The following CALN1 variants were observed in gnomAD, a reference collection of about 807,000 sequenced individuals.
CALN1 encodes the protein calneuron 1, also known as calcium-binding protein 8.
A neutral mutation model predicts 30.6 loss-of-function variants in CALN1; 17 were observed. The observed-to-expected ratio is 0.56, with a 90% CI of 0.38 to 0.83. CALN1 has a LOEUF of 0.83. Ranked by LOEUF, CALN1 falls within the 40% of genes least tolerant of loss-of-function variation. The pLI, the probability that CALN1 is intolerant of heterozygous loss-of-function variation, is 0.00. For missense variants in CALN1, 291 were observed against 354.9 expected, an observed-to-expected ratio of 0.82 and a Z score of 1.45; for synonymous variants, 156 against 131.4, an observed-to-expected ratio of 1.19 and a Z score of -1.28.
intron 5 of CALN1, among the ~76,000 whole-genome samples, chr7:71,827,894 T>C (rs1339668510): frequency 6.6e-6 from 1 of 151,854 alleles, no homozygotes; most frequent in African/African-American, 2.4e-5. Flanking sequence ...ATGTGGATAT[T>C]TGGGGGACGG....
intron 5 of CALN1, among the ~76,000 whole-genome samples, chr7:71,957,972 G>A (rs1797044561): frequency 6.7e-6 from 1 of 150,296 alleles, no homozygotes; most frequent in Admixed American, 6.7e-5. Flanking sequence ...GGCTGAGGCA[G>A]GAGAATCTCT....
At chr7:72,369,225 G>A (rs1804064382) in intron 2 of CALN1, among the ~76,000 whole-genome samples, 1 of 151,010 alleles carries the variant, frequency 6.6e-6, no homozygotes, top group Non-Finnish European at 1.5e-5. Context: ...ATACACCTGT[G>A]AAACCATCGC....
chr7:72,445,526 A>G (rs1390237392), intron 1 of CALN1, among the ~76,000 whole-genome samples: 1 of 152,176 alleles, frequency 6.6e-6, no homozygotes, highest in Admixed American at 6.5e-5. Context: ...TTCTGTTTGC[A>G]GGAAACATCT....
chr7:71,970,313 C>T (rs1797732317), intron 5 of CALN1, among the ~76,000 whole-genome samples: 2 of 152,268 alleles, frequency 1.3e-5, no homozygotes, highest in South Asian at 4.1e-4. Context: ...CTTCCAATCC[C>T]AAGACTTAAC....
intron 2 of CALN1, among the ~76,000 whole-genome samples, chr7:72,344,841 T>C (rs1191606200): frequency 1.4e-5 from 2 of 147,538 alleles, no homozygotes; most frequent in African/African-American, 2.5e-5. Flanking sequence ...TTAAAAAATA[T>C]AAGTATATAT....
Position 71,968,523 on chromosome 7 carries a change from C to T in CALN1, c.501+55134G>A, listed in dbSNP as rs189754604. Among the ~76,000 whole-genome samples the T allele has an allele frequency of 4.5e-3, 681 of 152,014 alleles. 9 individuals carry two copies. Among genetic ancestry groups the T allele is most frequent in the African/African-American group, 0.016 (648 of 41,492 alleles). ...TTGGCTAACTGCACCCTCCGCCTGC[C>T]GGGTTCCAGCAATTCTCGTGCCTCA... is the stretch of plus-strand genomic sequence containing the variant. On this transcript the variant is annotated intron_variant, in intron 5 of 6. Coordinates refer to ENST00000395275, the MANE Select transcript of CALN1 (RefSeq NM_031468.4).
At chr7:72,266,331 CAA>C (rs937616279) in intron 3 of CALN1, among the ~76,000 whole-genome samples, 6 of 152,086 alleles carry the variant, frequency 3.9e-5, no homozygotes, top group African/African-American at 1.4e-4. Context: ...TGAAATAATA[CAA>C]AATACTTGTA....
chr7:72,275,074 G>A (rs1005595097), intron 3 of CALN1, among the ~76,000 whole-genome samples: 5 of 151,996 alleles, frequency 3.3e-5, no homozygotes, highest in African/African-American at 7.3e-5. Context: ...TGATAAACAC[G>A]AACAGGTGGG....
At chr7:72,349,040 A>C (rs1802786779) in intron 2 of CALN1, among the ~76,000 whole-genome samples, 1 of 152,158 alleles carries the variant, frequency 6.6e-6, no homozygotes, top group Non-Finnish European at 1.5e-5. Flanking sequence ...AAGCAAATAA[A>C]ATTGTAGTGC....
chr7:72,152,808 T>C (rs1378778294), intron 3 of CALN1, among the ~76,000 whole-genome samples: 1 of 152,190 alleles, frequency 6.6e-6, no homozygotes, highest in African/African-American at 2.4e-5. Context: ...TCCTCTAGGC[T>C]GTACAAAATC....
rs117181781 is a variant in CALN1, at chr7:72,341,034, C to T, written c.119+62217G>A. Among the ~76,000 whole-genome samples, 1,137 of 152,000 alleles carry T rather than the reference C, an allele frequency of 7.5e-3. 9 individuals are homozygous for T. Among genetic ancestry groups the T allele is most frequent in the Non-Finnish European group, 0.013 (885 of 67,906 alleles). On this transcript the variant is annotated intron_variant, in intron 2 of 6. Coordinates refer to ENST00000395275, the MANE Select transcript of CALN1 (RefSeq NM_031468.4). ...TATGTCTTTATCAGCAATGTGAAAACGAATTCATACAGAAGGTATTATATT... is the reference window on the plus strand; with the variant it reads ...TATGTCTTTATCAGCAATGTGAAAATGAATTCATACAGAAGGTATTATATT...
chr7:72,260,869 T>A (rs867093689), intron 3 of CALN1, among the ~76,000 whole-genome samples: 1 of 152,202 alleles, frequency 6.6e-6, no homozygotes, highest in African/African-American at 2.4e-5. Flanking sequence ...AATTTTATGA[T>A]CTATCATCCC....
chr7:72,144,537 C>T (rs1218042723), intron 3 of CALN1, among the ~76,000 whole-genome samples: 1 of 152,092 alleles, frequency 6.6e-6, no homozygotes. Context: ...GAATTTAACA[C>T]TCCACTGTCA....
chr7:72,027,052 T>TG (rs1296532961), intron 4 of CALN1, among the ~76,000 whole-genome samples: 10 of 152,106 alleles, frequency 6.6e-5, no homozygotes, highest in African/African-American at 2.2e-4. Context: ...CACAATGGGG[T>TG]GAAAATGGCT....
intron 1 of CALN1, among the ~76,000 whole-genome samples, chr7:72,437,792 T>C (rs1254632559): frequency 2.2e-5 from 3 of 139,332 alleles, no homozygotes; most frequent in Non-Finnish European, 4.7e-5. Flanking sequence ...CCTTCCTTCC[T>C]TTCCTTCCTA....
At chr7:71,983,238 T>C (rs1798490184) in intron 5 of CALN1, among the ~76,000 whole-genome samples, 1 of 152,214 alleles carries the variant, frequency 6.6e-6, no homozygotes, top group Non-Finnish European at 1.5e-5. Flanking sequence ...AACTCACTTC[T>C]TGTGTGTGTC....
chr7:72,102,164 G>T (rs536140493), intron 4 of CALN1, among the ~76,000 whole-genome samples: 10 of 152,300 alleles, frequency 6.6e-5, no homozygotes, highest in African/African-American at 1.9e-4. Context: ...CATTACGAGG[G>T]CTGGGTGCAG....
intron 2 of CALN1, among the ~76,000 whole-genome samples, chr7:72,318,822 G>C (rs943169265): frequency 1.6e-5 from 1 of 61,308 alleles, no homozygotes; most frequent in Non-Finnish European, 3.2e-5. Context: ...GAGTAGCTGG[G>C]ATTTCAGGCA....
intron 6 of CALN1, among the ~76,000 whole-genome samples, chr7:71,806,260 A>ATG (rs745935261): frequency 2.0e-5 from 3 of 150,164 alleles, no homozygotes; most frequent in Admixed American, 2.0e-4. Flanking sequence ...GCACACACAC[A>ATG]CACACACACA....
Sources: gnomAD v4.1 joint callset for allele counts (sites outside exome capture counted in the v4.1 genomes callset) on GRCh38, gnomAD v4.1.1 for gene constraint, MANE v1.5 for transcripts, NCBI Gene and HGNC (gene_info 2026-07-23, HGNC 2026-07-21) for gene names.